The following TYR variants were observed in gnomAD, a reference collection of about 807,000 sequenced individuals.
TYR encodes tyrosinase.
In TYR, 58 loss-of-function variants were observed where a neutral mutation model predicts 51.5. The ratio of observed to expected loss-of-function variants is 1.13; its 90% CI spans 0.91 to 1.40. The LOEUF (loss-of-function observed/expected upper bound fraction) is 1.40, where lower values mean the gene tolerates loss of function less well. TYR is among the 40% of genes most tolerant of loss of function. The pLI is 0.00. For missense variants in TYR, 732 were observed against 647.4 expected (o/e 1.13, Z -1.42); for synonymous variants, 263 against 235.2 (o/e 1.12, Z -1.08).
chr11:89,280,658 T>C (rs1372798783), intron 3 of TYR, among the ~76,000 whole-genome samples: 2 of 151,644 alleles, frequency 1.3e-5, no homozygotes, highest in African/African-American at 2.4e-5. Context: ...ATTTATATCA[T>C]ATCTAATATG....
At chr11:89,279,011 T>C (rs1371357446) in intron 3 of TYR, among the ~76,000 whole-genome samples, 2 of 151,674 alleles carry the variant, frequency 1.3e-5, no homozygotes, top group Admixed American at 1.3e-4. Flanking sequence ...TGTTTTGGGA[T>C]GGACAACCCT....
At chr11:89,287,324 C>T (rs1242151716) in intron 4 of TYR, among the ~76,000 whole-genome samples, 1 of 151,862 alleles carries the variant, frequency 6.6e-6, no homozygotes, top group Admixed American at 6.6e-5. Flanking sequence ...CCTCTTAATA[C>T]TCTGGTCACT....
chr11:89,280,167 A>G (rs1211829657), intron 3 of TYR, among the ~76,000 whole-genome samples: 1 of 151,602 alleles, frequency 6.6e-6, no homozygotes, highest in Non-Finnish European at 1.5e-5. Flanking sequence ...GATGCTCAAC[A>G]TTCATCTTGT....
chr11:89,202,622 T>TACACACACACACACAC (rs10526067), intron 2 of TYR, among the ~76,000 whole-genome samples: 10,744 of 141,184 alleles, frequency 0.076, 557 homozygotes, highest in African/African-American at 0.12. Context: ...ATTTTCATAA[T>TACACACACACACACAC]ACACACACAC....
intron 3 of TYR, among the ~76,000 whole-genome samples, chr11:89,230,990 G>A (rs1019148264): frequency 2.6e-5 from 4 of 151,360 alleles, no homozygotes; most frequent in Non-Finnish European, 5.9e-5. Flanking sequence ...GGCCAACATG[G>A]GGATACCCCT....
At chr11:89,209,011 C>T (rs1378895013) in intron 2 of TYR, among the ~76,000 whole-genome samples, 4 of 152,110 alleles carry the variant, frequency 2.6e-5, no homozygotes, top group Non-Finnish European at 5.9e-5. Flanking sequence ...TCTACATCTC[C>T]CAGGGAGATC....
chr11:89,227,459 T>C (rs1943990863), intron 2 of TYR, among the ~76,000 whole-genome samples: 1 of 152,162 alleles, frequency 6.6e-6, no homozygotes, highest in East Asian at 1.9e-4. Flanking sequence ...AGATCTGCTA[T>C]GAGTGTTGTT....
chr11:89,185,977 T>A (rs1383412806), intron 1 of TYR, among the ~76,000 whole-genome samples: 1 of 152,140 alleles, frequency 6.6e-6, no homozygotes, highest in Non-Finnish European at 1.5e-5. Context: ...CAGCCCCTTT[T>A]GAGTTACTTT....
chr11:89,224,140 G>A (rs1022159346), intron 2 of TYR, among the ~76,000 whole-genome samples: 1 of 152,002 alleles, frequency 6.6e-6, no homozygotes, highest in African/African-American at 2.4e-5. Context: ...ATGCTAGGGT[G>A]GTACCTAATG....
At chr11:89,228,998 G>C (rs1401575610) in intron 3 of TYR, among the ~76,000 whole-genome samples, 1 of 152,010 alleles carries the variant, frequency 6.6e-6, no homozygotes, top group Non-Finnish European at 1.5e-5. Context: ...ATTTATACCT[G>C]CCATTAAGAT....
intron 1 of TYR, among the ~76,000 whole-genome samples, chr11:89,181,658 A>G (rs1351034269): frequency 6.6e-6 from 1 of 152,146 alleles, no homozygotes; most frequent in Non-Finnish European, 1.5e-5. Flanking sequence ...GAGAGATTTG[A>G]TAGCATTTAT....
At chr11:89,272,749 CTCTTA>C (rs1475992254) in intron 3 of TYR, among the ~76,000 whole-genome samples, 1 of 151,920 alleles carries the variant, frequency 6.6e-6, no homozygotes, top group East Asian at 1.9e-4. Flanking sequence ...TGGCTTTCAT[CTCTTA>C]TCTTAACAAG....
chr11:89,208,808 C>T (rs1418634698), intron 2 of TYR, among the ~76,000 whole-genome samples: 7 of 152,196 alleles, frequency 4.6e-5, no homozygotes, highest in African/African-American at 1.7e-4. Context: ...TATTTATCCA[C>T]CAGCATTAGC....
At chr11:89,258,202 C>A (rs2135304951) in intron 3 of TYR, among the ~76,000 whole-genome samples, 1 of 151,968 alleles carries the variant, frequency 6.6e-6, no homozygotes, top group Non-Finnish European at 1.5e-5. Context: ...AGATGAGAAA[C>A]TTTTTTTATG....
At chr11:89,274,082 A>G (rs1370645073) in intron 3 of TYR, among the ~76,000 whole-genome samples, 1 of 151,910 alleles carries the variant, frequency 6.6e-6, no homozygotes, top group Non-Finnish European at 1.5e-5. Context: ...ATATGTTATA[A>G]TCCCCACTTC....
intron 3 of TYR, among the ~76,000 whole-genome samples, chr11:89,257,110 T>C (rs182717393): frequency 6.6e-6 from 1 of 152,054 alleles, no homozygotes; most frequent in Non-Finnish European, 1.5e-5. Context: ...AAGGAACAAG[T>C]CCTTTGCTGT....
At chr11:89,266,212 G>T (rs1489180691) in intron 3 of TYR, among the ~76,000 whole-genome samples, 2 of 151,924 alleles carry the variant, frequency 1.3e-5, no homozygotes, top group Non-Finnish European at 2.9e-5. Context: ...AATTGCCAAT[G>T]ATATTAGTGT....
At chr11:89,294,713 G>A (rs1944887693) in intron 4 of TYR, among the ~76,000 whole-genome samples, 1 of 152,332 alleles carries the variant, frequency 6.6e-6, no homozygotes, top group East Asian at 1.9e-4. Flanking sequence ...AGATTGCTGA[G>A]CATTTGCCAA....
intron 2 of TYR, among the ~76,000 whole-genome samples, chr11:89,205,032 A>T (rs1565396941): frequency 6.6e-6 from 1 of 152,152 alleles, no homozygotes; most frequent in Non-Finnish European, 1.5e-5. Flanking sequence ...GTTGAAACAA[A>T]TGAAAAAAAT....
Sources: allele counts gnomAD v4.1 joint callset (sites outside exome capture counted in the v4.1 genomes callset), GRCh38; gene constraint gnomAD v4.1.1; transcripts MANE v1.5; gene names NCBI Gene and HGNC (gene_info 2026-07-23, HGNC 2026-07-21).